The following KCTD16 variants were observed in gnomAD, a reference collection of about 807,000 sequenced individuals.
The protein encoded by KCTD16 is BTB/POZ domain-containing protein KCTD16.
In KCTD16, 13 loss-of-function variants were observed where a neutral mutation model predicts 33.2. That is an observed-to-expected ratio of 0.39 (90% CI 0.25 to 0.62). The LOEUF is 0.62. KCTD16 is among the 20% of genes least tolerant of loss of function. The pLI, the probability that KCTD16 is intolerant of heterozygous loss-of-function variation, is 0.50. For synonymous variants in KCTD16, 197 were observed against 195.3 expected, an observed-to-expected ratio of 1.01 and a Z score of -0.07; for missense variants, 441 against 525.1, an observed-to-expected ratio of 0.84 and a Z score of 1.57.
intron 3 of KCTD16, among the ~76,000 whole-genome samples, chr5:144,278,791 C>T (rs1263439838): frequency 2.0e-5 from 3 of 152,154 alleles, no homozygotes; most frequent in Admixed American, 6.5e-5. Context: ...GCCACCGTGC[C>T]TGGCCGTTAG....
At chr5:144,352,425 A>G (rs1219663851) in intron 3 of KCTD16, among the ~76,000 whole-genome samples, 1 of 152,202 alleles carries the variant, frequency 6.6e-6, no homozygotes, top group South Asian at 2.1e-4. Flanking sequence ...AAATGGTGTC[A>G]GCTAATACTC....
At chr5:144,322,318 A>G (rs376836437) in intron 3 of KCTD16, among the ~76,000 whole-genome samples, 2 of 152,262 alleles carry the variant, frequency 1.3e-5, no homozygotes, top group East Asian at 3.9e-4. Context: ...CTCAGGATTG[A>G]TCAATCAGCA....
At chr5:144,251,337 C>A (rs930213716) in intron 3 of KCTD16, among the ~76,000 whole-genome samples, 6 of 152,094 alleles carry the variant, frequency 3.9e-5, no homozygotes, top group Non-Finnish European at 5.9e-5. Context: ...TAACCTTGGG[C>A]AAATTATGTA....
chr5:144,211,595 T>G (rs145776985), intron 3 of KCTD16, among the ~76,000 whole-genome samples: 37 of 152,336 alleles, frequency 2.4e-4, no homozygotes, highest in African/African-American at 8.7e-4. Context: ...ACTTGAGTCT[T>G]AGCCCTAAGA....
In KCTD16 at chr5:144,479,291, C is replaced by G. The variant is rs1313664740; in HGVS notation, c.*5177C>G. 1 of 149,140 alleles carries G rather than the reference C, an allele frequency of 6.7e-6. No individual in the cohort carries two copies. Among genetic ancestry groups the G allele is most frequent in the Non-Finnish European group, 1.5e-5 (1 of 67,440 alleles). The allele number at this position is 149,140 out of a possible 1,614,324, so 9.2% of individuals were successfully genotyped here. On this transcript the variant is annotated 3_prime_UTR_variant, in exon 4 of 4. Coordinates refer to ENST00000512467, the MANE Select transcript of KCTD16 (RefSeq NM_020768.4). ...TTGACTCAATCAGGACTATGAAGCTCTCAGATAATTGAAGATCCTGAACCC... is the reference window on the plus strand; with the variant it reads ...TTGACTCAATCAGGACTATGAAGCTGTCAGATAATTGAAGATCCTGAACCC...
intron 3 of KCTD16, among the ~76,000 whole-genome samples, chr5:144,249,746 T>C (rs1754644775): frequency 6.6e-6 from 1 of 152,222 alleles, no homozygotes; most frequent in Non-Finnish European, 1.5e-5. Flanking sequence ...CCGTATTTTA[T>C]ATATGAAAAT....
chr5:144,397,549 GT>G (rs1233136582), intron 3 of KCTD16, among the ~76,000 whole-genome samples: 3 of 152,168 alleles, frequency 2.0e-5, no homozygotes, highest in Non-Finnish European at 4.4e-5. Flanking sequence ...CACCAACAGT[GT>G]AAAAGTGTTT....
chr5:144,404,449 A>T (rs1752769414), intron 3 of KCTD16, among the ~76,000 whole-genome samples: 1 of 152,154 alleles, frequency 6.6e-6, no homozygotes, highest in South Asian at 2.1e-4. Context: ...TTTGAGAAAG[A>T]TGTATATGAC....
intron 3 of KCTD16, among the ~76,000 whole-genome samples, chr5:144,321,319 A>T (rs755274775): frequency 7.0e-4 from 106 of 152,300 alleles, no homozygotes; most frequent in Non-Finnish European, 1.2e-3. Context: ...GGTGTTAAAA[A>T]TGTGTATTCC....
At chr5:144,386,334 A>G (rs1752323895) in intron 3 of KCTD16, among the ~76,000 whole-genome samples, 2 of 152,190 alleles carry the variant, frequency 1.3e-5, no homozygotes, top group South Asian at 4.1e-4. Flanking sequence ...AAATACTTTC[A>G]TAAAGTTAGT....
At chr5:144,265,803 A>G (rs1260366634) in intron 3 of KCTD16, among the ~76,000 whole-genome samples, 2 of 152,214 alleles carry the variant, frequency 1.3e-5, no homozygotes, top group African/African-American at 4.8e-5. Context: ...GGTTATTACT[A>G]TTTGTATTGT....
At chr5:144,241,579 T>C (rs1754405220) in intron 3 of KCTD16, among the ~76,000 whole-genome samples, 2 of 152,184 alleles carry the variant, frequency 1.3e-5, no homozygotes. Context: ...ATTGTAAGTA[T>C]AAAGACTTTA....
chr5:144,393,458 G>T (rs778681448), intron 3 of KCTD16, among the ~76,000 whole-genome samples: 1 of 152,082 alleles, frequency 6.6e-6, no homozygotes, highest in Non-Finnish European at 1.5e-5. Context: ...TGACTTTCTA[G>T]CCCTGTGTCA....
At chr5:144,270,798 G>A (rs1335335625) in intron 3 of KCTD16, among the ~76,000 whole-genome samples, 11 of 151,594 alleles carry the variant, frequency 7.3e-5, no homozygotes, top group Admixed American at 6.6e-4. Context: ...AAGAAAAAAA[G>A]AATACTCAAA....
At chr5:144,342,529 G>A (rs1347421445) in intron 3 of KCTD16, among the ~76,000 whole-genome samples, 1 of 152,180 alleles carries the variant, frequency 6.6e-6, no homozygotes, top group African/African-American at 2.4e-5. Flanking sequence ...TGCACACAGG[G>A]ACAATTTGAC....
chr5:144,198,680 C>G (rs1288523211), intron 2 of KCTD16, among the ~76,000 whole-genome samples: 2 of 152,174 alleles, frequency 1.3e-5, no homozygotes, highest in Admixed American at 6.5e-5. Context: ...AATGAGCCAG[C>G]CTGTTCATTC....
intron 3 of KCTD16, among the ~76,000 whole-genome samples, chr5:144,290,374 G>A (rs560817606): frequency 6.6e-5 from 10 of 152,202 alleles, no homozygotes; most frequent in Middle Eastern, 3.4e-3. Context: ...AAAATTCTCC[G>A]AATGGACTGA....
intron 3 of KCTD16, among the ~76,000 whole-genome samples, chr5:144,416,810 A>T (rs948139446): frequency 6.6e-6 from 1 of 152,152 alleles, no homozygotes; most frequent in African/African-American, 2.4e-5. Flanking sequence ...GTAAGCTACC[A>T]ATCTGTTTTT....
intron 3 of KCTD16, among the ~76,000 whole-genome samples, chr5:144,226,111 A>G (rs1753924093): frequency 1.3e-5 from 2 of 152,184 alleles, no homozygotes; most frequent in Non-Finnish European, 2.9e-5. Flanking sequence ...TTTCTCTGCA[A>G]TGAACTATAG....
Sources: gnomAD v4.1 joint callset for allele counts (sites outside exome capture counted in the v4.1 genomes callset) on GRCh38, gnomAD v4.1.1 for gene constraint, MANE v1.5 for transcripts, NCBI Gene and HGNC (gene_info 2026-07-23, HGNC 2026-07-21) for gene names.